KANK1: variants seen among roughly 807,000 people sequenced by gnomAD.
The protein encoded by KANK1 is KN motif and ankyrin repeat domain-containing protein 1.
Under a neutral mutation model 106.2 loss-of-function variants are expected in KANK1, and 109 were observed. The observed-to-expected ratio is 1.03, with a 90% confidence interval of 0.88 to 1.20. The LOEUF (loss-of-function observed/expected upper bound fraction) is 1.20. KANK1 is among the 50% of genes most tolerant of loss of function. The pLI is 0.00. For synonymous variants in KANK1, 873 were observed against 652.2 expected (o/e 1.34, Z -5.16); for missense variants, 2,399 against 1,710.7 (o/e 1.40, Z -7.10).
At chr9:481,413 T>C (rs1479070631) in intron 3 of KANK1, among the ~76,000 whole-genome samples, 1 of 152,228 alleles carries the variant, frequency 6.6e-6, no homozygotes, top group Non-Finnish European at 1.5e-5. Flanking sequence ...CCTTAAGCCT[T>C]CTTTGCCTGC....
chr9:475,027 C>G (rs1258162604), intron 3 of KANK1, among the ~76,000 whole-genome samples: 1 of 152,096 alleles, frequency 6.6e-6, no homozygotes, highest in African/African-American at 2.4e-5. Flanking sequence ...GTTACACCGT[C>G]TCTCTCAAAT....
At chr9:533,687 C>A (rs1249682831) in intron 1 of KANK1, among the ~76,000 whole-genome samples, 1 of 152,132 alleles carries the variant, frequency 6.6e-6, no homozygotes, top group East Asian at 1.9e-4. Context: ...TTTTGGAGGC[C>A]CAGTCTGTCA....
chr9:686,265 T>C (rs1290864190), intron 2 of KANK1, among the ~76,000 whole-genome samples: 1 of 152,184 alleles, frequency 6.6e-6, no homozygotes, highest in Non-Finnish European at 1.5e-5. Context: ...TTAGGTGGAT[T>C]GACTGGGATG....
chr9:619,948 C>T (rs977433163), intron 1 of KANK1, among the ~76,000 whole-genome samples: 1 of 151,892 alleles, frequency 6.6e-6, no homozygotes, highest in Non-Finnish European at 1.5e-5. Context: ...ACCAGCCTGG[C>T]CAACATGGCA....
chr9:493,361 C>A (rs1025144489), intron 3 of KANK1, among the ~76,000 whole-genome samples: 2 of 152,052 alleles, frequency 1.3e-5, no homozygotes, highest in Non-Finnish European at 2.9e-5. Context: ...GTGAAGAAGC[C>A]TTCTCAGAAG....
intron 1 of KANK1, among the ~76,000 whole-genome samples, chr9:514,831 A>G (rs1336474992): frequency 2.0e-5 from 3 of 151,726 alleles, no homozygotes; most frequent in Non-Finnish European, 4.4e-5. Flanking sequence ...TGGGCCATGC[A>G]GTTCAACTGG....
chr9:592,005 C>G (rs1030521607), intron 1 of KANK1, among the ~76,000 whole-genome samples: 1 of 151,702 alleles, frequency 6.6e-6, no homozygotes, highest in Non-Finnish European at 1.5e-5. Context: ...TTTCCCCCTC[C>G]AGCCTGTAAC....
At chr9:527,808 C>G (rs2059863098) in intron 1 of KANK1, among the ~76,000 whole-genome samples, 1 of 148,692 alleles carries the variant, frequency 6.7e-6, no homozygotes, top group Non-Finnish European at 1.5e-5. Flanking sequence ...TAAGTTCCAG[C>G]TTTTTATTAA....
chr9:604,415 C>G (rs1828565784), intron 1 of KANK1, among the ~76,000 whole-genome samples: 1 of 151,620 alleles, frequency 6.6e-6, no homozygotes, highest in Non-Finnish European at 1.5e-5. Context: ...CGAGGGAGTT[C>G]TCATGAGATC....
chr9:681,236 A>G (rs559490535), intron 2 of KANK1, among the ~76,000 whole-genome samples: 6 of 152,120 alleles, frequency 3.9e-5, no homozygotes, highest in Non-Finnish European at 8.8e-5. Flanking sequence ...AAAAACAAAA[A>G]ACATTTTATT....
chr9:544,546 A>C (rs1417975600), intron 1 of KANK1, among the ~76,000 whole-genome samples: 1 of 152,226 alleles, frequency 6.6e-6, no homozygotes, highest in African/African-American at 2.4e-5. Context: ...AGTGAGGCCA[A>C]AGCTGATGGA....
At chr9:706,861 C>G (rs1824355062) in intron 2 of KANK1, 3 of 985,352 alleles carry the variant, frequency 3.0e-6, no homozygotes, top group South Asian at 4.7e-5. Context: ...AGGACACAGA[C>G]TCTTTCATGA....
At chr9:635,764 T>C (rs1049324755) in intron 1 of KANK1, among the ~76,000 whole-genome samples, 1 of 137,570 alleles carries the variant, frequency 7.3e-6, no homozygotes, top group African/African-American at 2.9e-5. Context: ...AGTGGCACGA[T>C]CTCAGCTCAC....
At position 659,163 on chromosome 9, in the gene KANK1, T is replaced by A. The variant is rs78817892; in HGVS notation, c.-83-17727T>A. On this transcript the variant is annotated intron_variant, in intron 1 of 11. Coordinates refer to ENST00000382297, the MANE Select transcript of KANK1 (RefSeq NM_015158.5). ...AGCACTGTGCCTATTACATGCTGAG[T>A]TCTCAGTCAATATTTTTGAATAAAT... is the stretch of plus-strand genomic sequence containing the variant. Among the ~76,000 whole-genome samples the A allele has an allele frequency of 1.2e-4, 18 of 152,330 alleles. No individual in the cohort carries two copies. In the East Asian group the frequency reaches 3.5e-3, roughly 29 times the overall value.
At chr9:723,240 G>T (rs1428655686) in intron 3 of KANK1, among the ~76,000 whole-genome samples, 2 of 152,166 alleles carry the variant, frequency 1.3e-5, no homozygotes, top group African/African-American at 4.8e-5. Flanking sequence ...ATGCCTGCAG[G>T]AGGAGGTGGA....
intron 1 of KANK1, among the ~76,000 whole-genome samples, chr9:662,720 G>C (rs952896693): frequency 4.0e-5 from 6 of 149,098 alleles, no homozygotes; most frequent in African/African-American, 1.5e-4. Flanking sequence ...GGAGTGCAGT[G>C]GCGCGATCTC....
chr9:632,573 G>GGT (rs1333653500), intron 1 of KANK1, among the ~76,000 whole-genome samples: 3 of 152,160 alleles, frequency 2.0e-5, no homozygotes, highest in Non-Finnish European at 2.9e-5. Flanking sequence ...GGACTGCCAA[G>GGT]GTGAGAGGCA....
At chr9:538,435 C>T (rs1343036603) in intron 1 of KANK1, among the ~76,000 whole-genome samples, 1 of 152,182 alleles carries the variant, frequency 6.6e-6, no homozygotes, top group Non-Finnish European at 1.5e-5. Context: ...ACATTTATAG[C>T]ATTTCAGTAA....
At chr9:648,929 C>G (rs927877803) in intron 1 of KANK1, among the ~76,000 whole-genome samples, 3 of 152,122 alleles carry the variant, frequency 2.0e-5, no homozygotes, top group Non-Finnish European at 2.9e-5. Flanking sequence ...ATGTCAATTG[C>G]AGTTCCTGGG....
Sources: gnomAD v4.1 joint callset for allele counts (sites outside exome capture counted in the v4.1 genomes callset) on GRCh38, gnomAD v4.1.1 for gene constraint, MANE v1.5 for transcripts, NCBI Gene and HGNC (gene_info 2026-07-23, HGNC 2026-07-21) for gene names.